PTPRD: variants seen among roughly 807,000 people sequenced by gnomAD.
The protein encoded by PTPRD is protein tyrosine phosphatase receptor type D.
PTPRD carries 34 observed loss-of-function variants against 214.5 expected under a neutral mutation model. The observed-to-expected ratio is 0.16, with a 90% CI of 0.12 to 0.21. The LOEUF (loss-of-function observed/expected upper bound fraction) is 0.21, where lower values mean the gene tolerates loss of function less well. Among genes scored for constraint, PTPRD ranks in the 10% least tolerant of loss-of-function variants. The pLI, the probability that PTPRD is intolerant of heterozygous loss-of-function variation, is 1.00. For synonymous variants in PTPRD, 1,128 were observed against 845.7 expected, an observed-to-expected ratio of 1.33 and a Z score of -5.79; for missense variants, 2,545 against 2,398.7, an observed-to-expected ratio of 1.06 and a Z score of -1.27.
chr9:9,602,640 A>G (rs1554684184), intron 7 of PTPRD, among the ~76,000 whole-genome samples: 1 of 151,886 alleles, frequency 6.6e-6, no homozygotes, highest in African/African-American at 2.4e-5. Flanking sequence ...TTTTTTCATT[A>G]TTACAAAAAA....
chr9:8,875,006 G>A (rs566825436), intron 11 of PTPRD, among the ~76,000 whole-genome samples: 1 of 152,088 alleles, frequency 6.6e-6, no homozygotes, highest in Admixed American at 6.6e-5. Flanking sequence ...AAAATATAGG[G>A]CTGTGCTCAT....
At chr9:10,089,045 T>A (rs912818879) in intron 3 of PTPRD, among the ~76,000 whole-genome samples, 1 of 151,226 alleles carries the variant, frequency 6.6e-6, no homozygotes, top group Non-Finnish European at 1.5e-5. Context: ...CCCATCTCTA[T>A]AAAGATTTAA....
intron 36 of PTPRD, 52 bp from the exon 37 acceptor site, chr9:8,389,459 C>A (rs772553257): frequency 7.1e-7 from 1 of 1,409,314 alleles, no homozygotes; most frequent in South Asian, 1.3e-5. Flanking sequence ...CAAGAGGAAA[C>A]AGCCTGGGAC....
At chr9:10,094,032 A>G (rs1309649624) in intron 3 of PTPRD, among the ~76,000 whole-genome samples, 5 of 151,322 alleles carry the variant, frequency 3.3e-5, no homozygotes, top group Admixed American at 2.6e-4. Context: ...CCAAAACCTC[A>G]GCATCATGCA....
At chr9:10,423,647 G>A (rs1211445691) in intron 2 of PTPRD, among the ~76,000 whole-genome samples, 1 of 151,862 alleles carries the variant, frequency 6.6e-6, no homozygotes, top group Non-Finnish European at 1.5e-5. Context: ...AGTGTAAGGT[G>A]TTTTTTAGAG....
chr9:9,201,389 G>A (rs896057900), intron 9 of PTPRD, among the ~76,000 whole-genome samples: 1 of 152,078 alleles, frequency 6.6e-6, no homozygotes, highest in African/African-American at 2.4e-5. Context: ...CTAATATTTG[G>A]CAAAGGTGAG....
intron 5 of PTPRD, among the ~76,000 whole-genome samples, chr9:9,794,497 G>A (rs911749864): frequency 6.8e-6 from 1 of 146,282 alleles, no homozygotes; most frequent in African/African-American, 2.5e-5. Context: ...AAGGCATGGG[G>A]GGTATATGTA....
chr9:9,699,172 A>G (rs1300181238), intron 7 of PTPRD, among the ~76,000 whole-genome samples: 1 of 152,182 alleles, frequency 6.6e-6, no homozygotes, highest in African/African-American at 2.4e-5. Flanking sequence ...TAACAATAAC[A>G]TAGTTCTGGT....
chr9:9,218,381 G>C (rs2099953652), intron 9 of PTPRD, among the ~76,000 whole-genome samples: 1 of 152,066 alleles, frequency 6.6e-6, no homozygotes, highest in African/African-American at 2.4e-5. Context: ...GTTAAAACAA[G>C]ACTAGTGGCC....
intron 41 of PTPRD, among the ~76,000 whole-genome samples, chr9:8,340,809 TATTAA>T (rs1851778859): frequency 6.6e-6 from 1 of 152,136 alleles, no homozygotes; most frequent in Non-Finnish European, 1.5e-5. Flanking sequence ...TCACACAATC[TATTAA>T]ATTTATGAAA....
At chr9:8,554,167 G>A (rs1156336119) in intron 14 of PTPRD, among the ~76,000 whole-genome samples, 4 of 152,098 alleles carry the variant, frequency 2.6e-5, no homozygotes, top group Non-Finnish European at 4.4e-5. Flanking sequence ...CAGCCTAAAC[G>A]ACAGGGCAAG....
chr9:8,358,981 G>C (rs575225136), intron 39 of PTPRD, among the ~76,000 whole-genome samples: 1 of 149,352 alleles, frequency 6.7e-6, no homozygotes, highest in Non-Finnish European at 1.5e-5. Flanking sequence ...GGTGGCGGGC[G>C]CCTGTAGTCC....
intron 5 of PTPRD, among the ~76,000 whole-genome samples, chr9:9,895,938 T>C (rs968077514): frequency 2.7e-4 from 41 of 151,960 alleles, no homozygotes; most frequent in African/African-American, 8.2e-4. Context: ...TGAGGTTATA[T>C]GGCACGTAGG....
At chr9:10,363,570 C>G (rs780629885) in intron 2 of PTPRD, among the ~76,000 whole-genome samples, 2 of 152,172 alleles carry the variant, frequency 1.3e-5, no homozygotes, top group Non-Finnish European at 2.9e-5. Flanking sequence ...AATGTTTTCT[C>G]TATGACCTTT....
chr9:8,316,933 ACT>A lies in PTPRD; in HGVS notation c.*939_*940del. 1 of 231,522 alleles carries A rather than the reference ACT, an allele frequency of 4.3e-6. No homozygotes were observed. Among genetic ancestry groups the A allele is most frequent in the Non-Finnish European group, 8.6e-6 (1 of 116,662 alleles). The allele number at this position is 231,522 out of a possible 1,614,324, so 14.3% of individuals were successfully genotyped here. On this transcript the variant is annotated 3_prime_UTR_variant, in exon 46 of 46. Coordinates refer to ENST00000381196, the MANE Select transcript of PTPRD (RefSeq NM_002839.4). ...CTGTATCTATTTTTTGTGTGGACAC[ACT>A]GTCTATATATACATAGACACCCTTA...
At chr9:9,766,338 T>C (rs544192112) in intron 6 of PTPRD, among the ~76,000 whole-genome samples, 7 of 152,184 alleles carry the variant, frequency 4.6e-5, no homozygotes, top group Non-Finnish European at 8.8e-5. Context: ...TACTGAGCTG[T>C]TAATGTGTTT....
chr9:9,672,270 T>G (rs1278231038), intron 7 of PTPRD, among the ~76,000 whole-genome samples: 1 of 152,142 alleles, frequency 6.6e-6, no homozygotes, highest in African/African-American at 2.4e-5. Flanking sequence ...AAGACTATTT[T>G]TAATAAATTG....
intron 5 of PTPRD, among the ~76,000 whole-genome samples, chr9:9,767,169 T>C (rs2098713853): frequency 1.3e-5 from 2 of 152,024 alleles, no homozygotes; most frequent in South Asian, 2.1e-4. Flanking sequence ...ATCAATTTTA[T>C]GCAAAAAATC....
intron 4 of PTPRD, among the ~76,000 whole-genome samples, chr9:9,967,813 T>C (rs1225133455): frequency 6.6e-6 from 1 of 152,176 alleles, no homozygotes; most frequent in African/African-American, 2.4e-5. Context: ...AAGAGAATTG[T>C]TAACTCAAAA....
Sources: gnomAD v4.1 joint callset for allele counts (sites outside exome capture counted in the v4.1 genomes callset) on GRCh38, gnomAD v4.1.1 for gene constraint, MANE v1.5 for transcripts, NCBI Gene and HGNC (gene_info 2026-07-23, HGNC 2026-07-21) for gene names.